Variants in PDE3B observed in about 807,000 individuals in gnomAD.
The protein encoded by PDE3B is cGMP-inhibited 3',5'-cyclic phosphodiesterase 3B.
PDE3B carries 66 observed loss-of-function variants against 116.8 expected under a neutral mutation model. That is an observed-to-expected ratio of 0.56 (90% confidence interval 0.46 to 0.69). PDE3B has a LOEUF of 0.69. PDE3B is among the 30% of genes least tolerant of loss of function. The probability of loss-of-function intolerance (pLI) is 0.00; values close to 1 mark genes in which losing one functional copy is unlikely to be tolerated. For synonymous variants in PDE3B, 595 were observed against 533.6 expected, an observed-to-expected ratio of 1.12 and a Z score of -1.59; for missense variants, 1,384 against 1,368.1, an observed-to-expected ratio of 1.01 and a Z score of -0.18.
the PDE3B span, chr11:14,879,987 ACT>A: frequency 3.9e-6 from 3 of 761,122 alleles, no homozygotes; most frequent in South Asian, 2.4e-5. Context: ...AGATTTGAAA[ACT>A]CTTTTTTGTA....
At chr11:14,721,669 C>G (rs1426813996) in intron 1 of PDE3B, among the ~76,000 whole-genome samples, 1 of 125,384 alleles carries the variant, frequency 8.0e-6, no homozygotes, top group East Asian at 2.3e-4. Flanking sequence ...TAAACTATCG[C>G]AAGAACAAAA....
At chr11:14,819,264 T>C in intron 7 of PDE3B, 55 bp downstream of exon 7, 1 of 1,030,104 alleles carries the variant, frequency 9.7e-7, no homozygotes, top group Non-Finnish European at 1.5e-6. Flanking sequence ...CTTACAATGA[T>C]TTTTAGAATG....
chr11:14,771,631 T>A (rs1565129424), intron 1 of PDE3B, among the ~76,000 whole-genome samples: 1 of 151,756 alleles, frequency 6.6e-6, no homozygotes, highest in Non-Finnish European at 1.5e-5. Flanking sequence ...ATATGTAATT[T>A]TTCTTTTATT....
intron 10 of PDE3B, among the ~76,000 whole-genome samples, chr11:14,834,429 T>G (rs935977118): frequency 6.6e-6 from 1 of 152,346 alleles, no homozygotes; most frequent in East Asian, 1.9e-4. Context: ...AAGCCTATAC[T>G]CTTTACACTA....
intron 1 of PDE3B, among the ~76,000 whole-genome samples, chr11:14,668,119 A>G (rs956862248): frequency 1.3e-5 from 2 of 152,052 alleles, no homozygotes; most frequent in African/African-American, 4.8e-5. Context: ...TCCAGGTAAG[A>G]GGACACGTAT....
chr11:14,796,001 T>C (rs1260804259), intron 4 of PDE3B, among the ~76,000 whole-genome samples: 1 of 152,098 alleles, frequency 6.6e-6, no homozygotes, highest in African/African-American at 2.4e-5. Context: ...CATTAGATAT[T>C]TCTCCTAATG....
At chr11:14,822,501 G>C (rs556127800) in intron 7 of PDE3B, among the ~76,000 whole-genome samples, 1 of 152,202 alleles carries the variant, frequency 6.6e-6, no homozygotes, top group African/African-American at 2.4e-5. Flanking sequence ...GGAGCCAGGG[G>C]AGCCTCCCTC....
chr11:14,727,517 C>T (rs971446240), intron 1 of PDE3B, among the ~76,000 whole-genome samples: 17 of 152,204 alleles, frequency 1.1e-4, no homozygotes, highest in Non-Finnish European at 2.1e-4. Flanking sequence ...AATGTTTCAT[C>T]TTCTAATTAT....
intron 1 of PDE3B, among the ~76,000 whole-genome samples, chr11:14,768,459 G>A (rs1227283744): frequency 2.0e-5 from 3 of 151,436 alleles, no homozygotes; most frequent in Non-Finnish European, 4.4e-5. Context: ...AATGAGTGAA[G>A]GTATACTGTA....
At chr11:14,667,344 T>G (rs1463824405) in intron 1 of PDE3B, among the ~76,000 whole-genome samples, 1 of 149,878 alleles carries the variant, frequency 6.7e-6, no homozygotes, top group Non-Finnish European at 1.5e-5. Flanking sequence ...AAATGACGAG[T>G]TAATGAGTGC....
chr11:14,657,680 G>A (rs932885152), intron 1 of PDE3B, among the ~76,000 whole-genome samples: 1 of 152,124 alleles, frequency 6.6e-6, no homozygotes, highest in African/African-American at 2.4e-5. Flanking sequence ...GCATTACTGG[G>A]CATTCTGCTA....
chr11:14,727,689 CATAATGAA>C (rs1358700273), intron 1 of PDE3B, among the ~76,000 whole-genome samples: 1 of 152,014 alleles, frequency 6.6e-6, no homozygotes, highest in East Asian at 1.9e-4. Flanking sequence ...CATTTAATTA[CATAATGAA>C]TGGAATAAAA....
At chr11:14,798,359 C>T (rs552114693) in intron 4 of PDE3B, among the ~76,000 whole-genome samples, 2 of 152,198 alleles carry the variant, frequency 1.3e-5, no homozygotes, top group East Asian at 1.9e-4. Flanking sequence ...ATTTTCATAT[C>T]GATGTTCACC....
chr11:14,677,718 C>T (rs922300799), intron 1 of PDE3B, among the ~76,000 whole-genome samples: 9 of 152,240 alleles, frequency 5.9e-5, no homozygotes, highest in African/African-American at 2.2e-4. Context: ...ATCCCTAATC[C>T]CTGGTAACTA....
At chr11:14,647,926 G>A (rs1336846662) in intron 1 of PDE3B, among the ~76,000 whole-genome samples, 2 of 136,460 alleles carry the variant, frequency 1.5e-5, no homozygotes, top group Non-Finnish European at 3.2e-5. Flanking sequence ...CTTAACTAAG[G>A]TTTTTTTTTT....
At chr11:14,665,357 C>A (rs982409836) in intron 1 of PDE3B, among the ~76,000 whole-genome samples, 1 of 152,178 alleles carries the variant, frequency 6.6e-6, no homozygotes, top group Non-Finnish European at 1.5e-5. Flanking sequence ...AAAACTGGCA[C>A]AAGACAGGGA....
At chr11:14,735,512 G>A (rs909383169) in intron 1 of PDE3B, among the ~76,000 whole-genome samples, 1 of 152,130 alleles carries the variant, frequency 6.6e-6, no homozygotes, top group Non-Finnish European at 1.5e-5. Flanking sequence ...TCTCCAGAAC[G>A]AAAAGGTGAA....
intron 12 of PDE3B, among the ~76,000 whole-genome samples, chr11:14,849,403 T>A (rs1430268044): frequency 2.6e-5 from 4 of 152,018 alleles, no homozygotes; most frequent in East Asian, 1.9e-4. Flanking sequence ...AACCTAGGCA[T>A]TACCATTCAG....
intron 12 of PDE3B, among the ~76,000 whole-genome samples, chr11:14,856,779 A>G (rs1215660449): frequency 6.6e-6 from 1 of 151,692 alleles, no homozygotes; most frequent in African/African-American, 2.4e-5. Context: ...GCTTGAACCC[A>G]GGAGGCAGAG....
Sources: allele counts gnomAD v4.1 joint callset (sites outside exome capture counted in the v4.1 genomes callset), GRCh38; gene constraint gnomAD v4.1.1; transcripts MANE v1.5; gene names NCBI Gene and HGNC (gene_info 2026-07-23, HGNC 2026-07-21).